ROR2: variants seen among roughly 807,000 people sequenced by gnomAD.
ROR2 encodes the protein ROR family WNT receptor 2.
In ROR2, 33 loss-of-function variants were observed where a neutral mutation model predicts 74.9. That is an observed-to-expected ratio of 0.44 (90% CI 0.33 to 0.59). The LOEUF is 0.59. ROR2 is among the 20% of genes least tolerant of loss of function. The pLI, the probability that ROR2 is intolerant of heterozygous loss-of-function variation, is 0.02. For missense variants in ROR2, 1,216 were observed against 1,313.8 expected (o/e 0.93, Z 1.15); for synonymous variants, 586 against 558.7 (o/e 1.05, Z -0.69).
intron 1 of ROR2, among the ~76,000 whole-genome samples, chr9:91,851,843 G>T (rs1829104757): frequency 6.6e-6 from 1 of 152,048 alleles, no homozygotes; most frequent in Non-Finnish European, 1.5e-5. Flanking sequence ...GGATGTGGTA[G>T]TGCGCGCCTG....
chr9:91,860,628 G>C (rs1829442974), intron 1 of ROR2, among the ~76,000 whole-genome samples: 1 of 152,230 alleles, frequency 6.6e-6, no homozygotes, highest in Non-Finnish European at 1.5e-5. Flanking sequence ...AGAACCCAGG[G>C]AGCCATGTGT....
At chr9:91,885,868 CTTTTTTTT>C (rs542499117) in intron 1 of ROR2, among the ~76,000 whole-genome samples, 2 of 108,158 alleles carry the variant, frequency 1.8e-5, no homozygotes, top group Non-Finnish European at 3.6e-5. Context: ...GTATGGTTTC[CTTTTTTTT>C]TTTTTTTTTT....
intron 1 of ROR2, among the ~76,000 whole-genome samples, chr9:91,808,711 CA>C (rs1827645117): frequency 6.6e-6 from 1 of 151,846 alleles, no homozygotes; most frequent in Non-Finnish European, 1.5e-5. Context: ...GTAATCCCAG[CA>C]CTTTCGGAGG....
rs376204581 is a variant in ROR2 at position 91,918,277 on chromosome 9, A to AG, written c.97+31589_97+31590insC. 6.0e-3 allele frequency among the ~76,000 whole-genome samples: 912 copies of AG among 151,684 alleles called. 4 individuals are homozygous for AG. Among genetic ancestry groups the AG allele is most frequent in the African/African-American group, 0.021 (868 of 41,250 alleles). On this transcript the variant is annotated intron_variant, in intron 1 of 8. Coordinates refer to ENST00000375708, the MANE Select transcript of ROR2 (RefSeq NM_004560.4). The stretch of plus-strand genomic sequence containing the variant: ...GAGACTCGTCTCAAAAAAAAAAAAA[A>AG]AAGAAGTTGTTGAAGGGCACAGGGC...
chr9:91,869,057 A>T (rs1564010133), intron 1 of ROR2, among the ~76,000 whole-genome samples: 2 of 150,512 alleles, frequency 1.3e-5, no homozygotes, highest in African/African-American at 4.9e-5. Context: ...ACGTGAATAT[A>T]TTTTTTTTTT....
intron 1 of ROR2, among the ~76,000 whole-genome samples, chr9:91,939,432 T>G (rs1831789810): frequency 6.6e-6 from 1 of 152,186 alleles, no homozygotes; most frequent in Non-Finnish European, 1.5e-5. Flanking sequence ...ATAATCTGCA[T>G]TTTCTTGAAT....
chr9:91,865,575 T>C (rs1829607187), intron 1 of ROR2, among the ~76,000 whole-genome samples: 1 of 152,212 alleles, frequency 6.6e-6, no homozygotes, highest in Non-Finnish European at 1.5e-5. Context: ...AAGGAAGAGA[T>C]ACAAATTTGC....
At chr9:91,940,377 C>T (rs1250108366) in intron 1 of ROR2, among the ~76,000 whole-genome samples, 3 of 152,108 alleles carry the variant, frequency 2.0e-5, no homozygotes, top group African/African-American at 7.2e-5. Flanking sequence ...AAATATACAG[C>T]GGTTCACTGC....
At chr9:91,935,554 C>T (rs544551959) in intron 1 of ROR2, among the ~76,000 whole-genome samples, 1 of 152,230 alleles carries the variant, frequency 6.6e-6, no homozygotes, top group Admixed American at 6.5e-5. Flanking sequence ...CAATTCCAGC[C>T]GCCATGAGGA....
rs769467387 is a variant in ROR2, at chr9:91,731,161, C to G, written c.938-6G>C. On this transcript the variant is annotated splice_region_variant and splice_polypyrimidine_tract_variant and intron_variant, in intron 6 of 8. Transcript: ENST00000375708. ...GCCGTTATAGCACTGATGGTCTGAA[C>G]AAGGAAAACACGTTAGGAAAACCTC... 8.1e-6 allele frequency: 13 copies of G among 1,613,984 alleles called. No individual in the cohort carries two copies. The Middle Eastern group carries it at 4.9e-4, about 61-fold the overall frequency.
chr9:91,745,148 G>A (rs957261356), intron 4 of ROR2, among the ~76,000 whole-genome samples: 1 of 151,294 alleles, frequency 6.6e-6, no homozygotes, highest in South Asian at 2.1e-4. Context: ...TTTTTGAGAC[G>A]AAGTCTCGCT....
At chr9:91,852,672 A>G (rs765065888) in intron 1 of ROR2, among the ~76,000 whole-genome samples, 45 of 129,990 alleles carry the variant, frequency 3.5e-4, no homozygotes, top group Admixed American at 2.5e-3. Flanking sequence ...ATGTAAGTCC[A>G]TAAGAAGTCG....
chr9:91,757,228 A>G (rs527576180), intron 3 of ROR2, 44 bp downstream of exon 3: 2 of 1,611,918 alleles, frequency 1.2e-6, no homozygotes, highest in Non-Finnish European at 1.7e-6. Flanking sequence ...GTGGCTGGGA[A>G]CCTTCATATC....
intron 1 of ROR2, among the ~76,000 whole-genome samples, chr9:91,847,076 G>A (rs572372897): frequency 6.6e-6 from 1 of 152,312 alleles, no homozygotes; most frequent in South Asian, 2.1e-4. Context: ...ATTGGGCCGG[G>A]GGGAAATGGG....
chr9:91,757,044 A>C (rs1023251916), intron 3 of ROR2, among the ~76,000 whole-genome samples: 2 of 152,116 alleles, frequency 1.3e-5, no homozygotes, highest in African/African-American at 4.8e-5. Flanking sequence ...TGCTGGAATT[A>C]CAGGCGTGAG....
At chr9:91,856,696 C>T (rs868546291) in intron 1 of ROR2, among the ~76,000 whole-genome samples, 2 of 152,172 alleles carry the variant, frequency 1.3e-5, no homozygotes, top group African/African-American at 4.8e-5. Context: ...AGAGAATGAA[C>T]GTTGTTTAAG....
rs758916160 is a variant in ROR2 at position 91,757,467 on chromosome 9, G to A, written c.268C>T (p.Pro90Ser). The change falls in exon 3 of 9, where the codon CCC (proline) becomes TCC (serine). Residue 90 changes from proline to serine, a missense_variant. Transcript: ENST00000375708. ...TTCTTTAGCCACCGCACGTTAGGGG[G>A]TGGGTTTCCTGCCACCTTGCAGTGC... ...ILHCKVAGNPPPNVRWLKNDA... is the reference protein window; with the variant it reads ...ILHCKVAGNPSPNVRWLKNDA... 2 of 1,613,946 alleles carry A rather than the reference G, an allele frequency of 1.2e-6. No individual in the cohort carries two copies. The highest frequency in any genetic ancestry group is 1.7e-6 in the Non-Finnish European group (2 of 1,179,994).
At chr9:91,899,724 A>C (rs969876658) in intron 1 of ROR2, among the ~76,000 whole-genome samples, 3 of 147,692 alleles carry the variant, frequency 2.0e-5, no homozygotes, top group African/African-American at 5.0e-5. Context: ...ACACACCAGG[A>C]ATCTACACAC....
intron 1 of ROR2, among the ~76,000 whole-genome samples, chr9:91,942,907 CTGTGGGAGAAT>C (rs1342527751): frequency 6.6e-6 from 1 of 152,194 alleles, no homozygotes; most frequent in Non-Finnish European, 1.5e-5. Flanking sequence ...GCCTCTAAAA[CTGTGGGAGAAT>C]ACATTTCTGG....
Sources: gnomAD v4.1 joint callset for allele counts (sites outside exome capture counted in the v4.1 genomes callset) on GRCh38, gnomAD v4.1.1 for gene constraint, MANE v1.5 for transcripts, NCBI Gene and HGNC (gene_info 2026-07-23, HGNC 2026-07-21) for gene names.